ABCA1: variants seen among roughly 807,000 people sequenced by gnomAD.
The protein encoded by ABCA1 is phospholipid-transporting ATPase ABCA1.
ABCA1 carries 133 observed loss-of-function variants against 262.5 expected under a neutral mutation model. The observed-to-expected ratio is 0.51, with a 90% CI of 0.44 to 0.59. The LOEUF (loss-of-function observed/expected upper bound fraction) is 0.59, where lower values mean the gene tolerates loss of function less well. ABCA1 is among the 20% of genes least tolerant of loss of function. The pLI, the probability that ABCA1 is intolerant of heterozygous loss-of-function variation, is 0.00. For missense variants in ABCA1, 2,452 were observed against 2,777.5 expected (o/e 0.88, Z 2.63); for synonymous variants, 1,022 against 1,043.5 (o/e 0.98, Z 0.40).
At chr9:104,922,236 A>G (rs1373196400) in intron 1 of ABCA1, among the ~76,000 whole-genome samples, 1 of 152,242 alleles carries the variant, frequency 6.6e-6, no homozygotes, top group Non-Finnish European at 1.5e-5. Flanking sequence ...TAAGCTTTTC[A>G]TTCTCTGGCC....
chr9:104,794,459 G>A lies in ABCA1; in HGVS notation c.5434C>T (p.His1812Tyr). 1 of 1,608,324 alleles carries A rather than the reference G, an allele frequency of 6.2e-7. No homozygotes were observed. Among genetic ancestry groups the A allele is most frequent in the Non-Finnish European group, 8.5e-7 (1 of 1,177,340 alleles). ...ILKSVFLIFP[H>Y]FCLGRGLIDM... ...ATGAGCCCTCGTCCCAGGCAAAAAT[G>A]TGGGAAGATCAAGAACACGGACTTC... is the stretch of plus-strand genomic sequence containing the variant. The change falls in exon 40 of 50, where the codon CAT (histidine) becomes TAT (tyrosine). Residue 1812 changes from histidine to tyrosine, a missense_variant. Physicochemically the swap from His to Tyr is moderately conservative, Grantham distance 83 (BLOSUM62 2). Around this residue, in one of 4 missense-constraint regions of ABCA1, gnomAD observed 752 missense variants for 944.5 expected, o/e 0.80. Transcript: ENST00000374736.
chr9:104,794,530 A>AAAAT lies in ABCA1; in HGVS notation c.5383-21_5383-20insATTT, dbSNP rs397938228. On this transcript the variant is annotated intron_variant, in intron 39 of 49. Coordinates refer to ENST00000374736, the MANE Select transcript of ABCA1 (RefSeq NM_005502.4). ...CAGCTTCTAAAAAAAAAAAAAAAAA[A>AAAAT]TGGGAGGGAAGGGAGGGTGAGGGAG... 6.4e-6 allele frequency: 10 copies of AAAAT among 1,567,690 alleles called. No individual in the cohort carries two copies. Among genetic ancestry groups the AAAAT allele is most frequent in the Admixed American group, 1.7e-5 (1 of 59,034 alleles).
chr9:104,926,978 G>A (rs774308164), intron 1 of ABCA1, among the ~76,000 whole-genome samples: 2 of 151,988 alleles, frequency 1.3e-5, no homozygotes, highest in Non-Finnish European at 2.9e-5. Flanking sequence ...TGGGGAGGCC[G>A]AGGCCGGTGG....
intron 14 of ABCA1, among the ~76,000 whole-genome samples, chr9:104,829,615 C>T (rs766298329): frequency 6.6e-6 from 1 of 152,096 alleles, no homozygotes; most frequent in Non-Finnish European, 1.5e-5. Flanking sequence ...TAAAAAGGCA[C>T]ACAGATTTTG....
rs748538360 is a variant in ABCA1, at chr9:104,784,328, TC to T, written c.6772del (p.Glu2258LysfsTer47). ...TSFLQDEKVK[E>X]SYV ...GAACAGGATTCTTCATACATAGCTT[TC>T]TTTCACTTTCTCATCCTGTAGAAAA... On this transcript the variant is annotated frameshift_variant, in exon 50 of 50. Coordinates refer to ENST00000374736, the MANE Select transcript of ABCA1 (RefSeq NM_005502.4). LOFTEE classifies it high-confidence loss of function. The T allele has an allele frequency of 1.9e-6, 3 of 1,614,142 alleles. No homozygotes were observed. The Admixed American group carries it at 5.0e-5, about 27-fold the overall frequency.
Position 104,837,633 on chromosome 9 carries a change from C to T in ABCA1, c.1055-66G>A, listed in dbSNP as rs1833942501. On this transcript the variant is annotated intron_variant, in intron 9 of 49. Transcript: ENST00000374736. ...ATATACTGATAGAAACTTACAAGGG[C>T]TTTGGAGCCAGAGAGTTCTTAGTTG... is the stretch of plus-strand genomic sequence containing the variant. The T allele has an allele frequency of 3.1e-6, 5 of 1,591,172 alleles. No homozygotes were observed. In the South Asian group the frequency reaches 3.3e-5, roughly 11 times the overall value.
At chr9:104,861,404 C>T (rs1033367139) in intron 6 of ABCA1, 15 of 592,184 alleles carry the variant, frequency 2.5e-5, no homozygotes, top group Non-Finnish European at 4.2e-5. Flanking sequence ...AAATGTATCC[C>T]TTGTAGGAGG....
intron 5 of ABCA1, 117 bp from the exon 6 acceptor site, chr9:104,861,917 G>T: frequency 1.1e-6 from 1 of 918,678 alleles, no homozygotes. Context: ...ACAGTTGCCT[G>T]GCTAAACACA....
intron 42 of ABCA1, 142 bp downstream of exon 42, chr9:104,792,644 A>C: frequency 1.9e-6 from 2 of 1,040,858 alleles, no homozygotes; most frequent in Admixed American, 4.3e-5. Context: ...GTGTTTTTAA[A>C]ATAAAATTGA....
intron 1 of ABCA1, among the ~76,000 whole-genome samples, chr9:104,906,080 GT>G (rs1320317280): frequency 2.0e-5 from 3 of 152,188 alleles, no homozygotes; most frequent in Non-Finnish European, 2.9e-5. Flanking sequence ...CCAAAGCAAT[GT>G]GAGTTCCCTT....
chr9:104,809,381 G>T, intron 30 of ABCA1, 85 bp downstream of exon 30: 1 of 1,242,192 alleles, frequency 8.1e-7, no homozygotes, highest in Non-Finnish European at 1.2e-6. Flanking sequence ...TCACAATGTG[G>T]CATGCAGTTG....
chr9:104,798,598 C>A lies in ABCA1; in HGVS notation c.4944G>T (p.Leu1648=). ...CAAGGACATCCACTGATGTGGTCAT[C>A]CTGGAGAGAAAAAGCGTGTGAAAAT... is the stretch of plus-strand genomic sequence containing the variant. The part of the protein sequence containing the change: ...LTKQQLSEVA[L]MTTSVDVLVS... Residue 1648 remains leucine, a splice_region_variant and synonymous_variant, in exon 37 of 50, where the codon CTG becomes CTT. Coordinates refer to ENST00000374736, the MANE Select transcript of ABCA1 (RefSeq NM_005502.4). 6.2e-7 allele frequency: 1 copy of A among 1,613,880 alleles called. No homozygotes were observed. Among genetic ancestry groups the A allele is most frequent in the East Asian group, 2.2e-5 (1 of 44,862 alleles).
intron 7 of ABCA1, among the ~76,000 whole-genome samples, chr9:104,857,655 G>C (rs1835960594): frequency 6.6e-6 from 1 of 152,120 alleles, no homozygotes. Context: ...TCTCTGGGAG[G>C]ACCAACTCTC....
At chr9:104,804,551 A>G (rs182026022) in intron 32 of ABCA1, 75 bp downstream of exon 32, 1 of 1,165,858 alleles carries the variant, frequency 8.6e-7, no homozygotes, top group East Asian at 2.3e-5. Flanking sequence ...CCACTGTTTC[A>G]GTCTGTTATT....
intron 1 of ABCA1, among the ~76,000 whole-genome samples, chr9:104,926,476 A>C (rs893786958): frequency 1.5e-4 from 23 of 149,914 alleles, no homozygotes; most frequent in East Asian, 1.2e-3. Context: ...AAAACAAAAA[A>C]AAAAAAACAA....
At chr9:104,909,517 G>A (rs903798314) in intron 1 of ABCA1, among the ~76,000 whole-genome samples, 2 of 152,016 alleles carry the variant, frequency 1.3e-5, no homozygotes. Flanking sequence ...TTAAATGACA[G>A]CTGGGATTAT....
intron 40 of ABCA1, 133 bp downstream of exon 40, chr9:104,794,254 G>T: frequency 2.2e-6 from 3 of 1,388,756 alleles, no homozygotes; most frequent in Non-Finnish European, 2.0e-6. Context: ...CATGAGCCCT[G>T]TCACTGGGCA....
chr9:104,831,209 C>CAGA, intron 13 of ABCA1, 108 bp from the exon 14 acceptor site: 1 of 1,029,630 alleles, frequency 9.7e-7, no homozygotes, highest in Non-Finnish European at 1.4e-6. Context: ...GCCCCTTTTT[C>CAGA]TATTTTTGTA....
chr9:104,815,041 C>CA (rs1305794385), intron 25 of ABCA1, among the ~76,000 whole-genome samples: 8 of 152,234 alleles, frequency 5.3e-5, no homozygotes, highest in African/African-American at 1.9e-4. Context: ...ACAGACACTG[C>CA]GCAGAAGAAA....
Sources: gnomAD v4.1 joint callset for allele counts (sites outside exome capture counted in the v4.1 genomes callset) on GRCh38, gnomAD v4.1.1 for gene constraint, gnomAD v4.1.1 regional missense constraint, MANE v1.5 for transcripts, NCBI Gene and HGNC (gene_info 2026-07-23, HGNC 2026-07-21) for gene names.